Variants in GRID2 observed in about 807,000 individuals in gnomAD.
GRID2 encodes the protein glutamate ionotropic receptor delta type subunit 2.
In GRID2, 33 loss-of-function variants were observed where a neutral mutation model predicts 114.8. The ratio of observed to expected loss-of-function variants is 0.29; its 90% CI spans 0.22 to 0.38. GRID2 has a LOEUF of 0.38. Ranked by LOEUF, GRID2 falls within the 10% of genes least tolerant of loss-of-function variation. GRID2 has a pLI of 1.00. For missense variants in GRID2, 1,184 were observed against 1,257.7 expected (o/e 0.94, Z 0.89); for synonymous variants, 505 against 449.9 (o/e 1.12, Z -1.55).
intron 2 of GRID2, among the ~76,000 whole-genome samples, chr4:92,728,190 C>T (rs1179723996): frequency 6.6e-6 from 1 of 151,978 alleles, no homozygotes; most frequent in Non-Finnish European, 1.5e-5. Flanking sequence ...GATTGAACCT[C>T]TTATAATTTT....
chr4:92,348,093 C>A (rs908560076), intron 1 of GRID2, among the ~76,000 whole-genome samples: 25 of 152,098 alleles, frequency 1.6e-4, no homozygotes, highest in African/African-American at 5.8e-4. Context: ...ATAGCTGGGA[C>A]CACAGTCATG....
chr4:93,101,203 A>G (rs1281049660), intron 3 of GRID2, among the ~76,000 whole-genome samples: 1 of 152,104 alleles, frequency 6.6e-6, no homozygotes, highest in South Asian at 2.1e-4. Context: ...ATAATTTGAT[A>G]AATTCATGTA....
intron 2 of GRID2, among the ~76,000 whole-genome samples, chr4:93,033,967 T>C (rs1259106924): frequency 2.0e-5 from 3 of 152,162 alleles, no homozygotes; most frequent in Non-Finnish European, 4.4e-5. Context: ...TTGTGATTAG[T>C]AGGTAATCAC....
At chr4:92,375,294 A>G (rs1729301146) in intron 1 of GRID2, among the ~76,000 whole-genome samples, 1 of 152,138 alleles carries the variant, frequency 6.6e-6, no homozygotes, top group African/African-American at 2.4e-5. Flanking sequence ...TTTTTGCACA[A>G]ACGTTTGTAC....
At chr4:93,009,542 T>C (rs762339508) in intron 2 of GRID2, among the ~76,000 whole-genome samples, 23 of 152,146 alleles carry the variant, frequency 1.5e-4, no homozygotes, top group Non-Finnish European at 2.5e-4. Context: ...ATCTTCTTGA[T>C]TTTCATTTTT....
chr4:92,822,566 G>A (rs989447553), intron 2 of GRID2: 1 of 269,458 alleles, frequency 3.7e-6, no homozygotes, highest in South Asian at 3.4e-5. Context: ...AGGATCTAGA[G>A]ACAATCTACA....
At chr4:93,200,297 T>G (rs1401387699) in intron 4 of GRID2, among the ~76,000 whole-genome samples, 1 of 152,218 alleles carries the variant, frequency 6.6e-6, no homozygotes, top group Non-Finnish European at 1.5e-5. Context: ...CCGGGTGCGG[T>G]GGCTCACGCC....
At chr4:92,744,827 T>C (rs1053981760) in intron 2 of GRID2, among the ~76,000 whole-genome samples, 1 of 152,206 alleles carries the variant, frequency 6.6e-6, no homozygotes, top group Non-Finnish European at 1.5e-5. Context: ...TTATCTCTTA[T>C]GTAATTATGC....
intron 13 of GRID2, among the ~76,000 whole-genome samples, chr4:93,535,261 C>A (rs1731931624): frequency 6.6e-6 from 1 of 151,250 alleles, no homozygotes; most frequent in Non-Finnish European, 1.5e-5. Context: ...CACACACACA[C>A]ACACACACAC....
rs542311514 is a variant in GRID2, at chr4:92,797,944, T to C, written c.244+207658T>C. Among the ~76,000 whole-genome samples the C allele has an allele frequency of 2.0e-5, 3 of 152,096 alleles. No homozygotes were observed. In the South Asian group the frequency reaches 6.2e-4, roughly 32 times the overall value. Reference sequence around the variant, plus strand: ...CAATTTAGGTTGAAAGTACAATACTTGATAAAGTTTTTACTGCCTTAAAAA... The same window carrying C: ...CAATTTAGGTTGAAAGTACAATACTCGATAAAGTTTTTACTGCCTTAAAAA... On this transcript the variant is annotated intron_variant, in intron 2 of 15. Transcript: ENST00000282020.
intron 3 of GRID2, among the ~76,000 whole-genome samples, chr4:93,103,710 T>G (rs1298239519): frequency 6.6e-6 from 1 of 152,050 alleles, no homozygotes; most frequent in African/African-American, 2.4e-5. Flanking sequence ...TATGTGCATT[T>G]ACTGAGAGGA....
intron 2 of GRID2, among the ~76,000 whole-genome samples, chr4:92,820,961 C>G (rs1032707409): frequency 3.9e-5 from 6 of 151,962 alleles, no homozygotes; most frequent in Admixed American, 2.0e-4. Flanking sequence ...ATCATCTTCT[C>G]TAATATATAT....
intron 8 of GRID2, among the ~76,000 whole-genome samples, chr4:93,254,143 A>G (rs1749299292): frequency 6.6e-6 from 1 of 152,132 alleles, no homozygotes; most frequent in Non-Finnish European, 1.5e-5. Flanking sequence ...TTTATTAATC[A>G]TAGTAATTCA....
intron 14 of GRID2, among the ~76,000 whole-genome samples, chr4:93,659,845 A>G (rs547746889): frequency 3.9e-5 from 6 of 152,266 alleles, no homozygotes; most frequent in Non-Finnish European, 8.8e-5. Flanking sequence ...TCTCATCAAG[A>G]TATAAGATCT....
intron 1 of GRID2, among the ~76,000 whole-genome samples, chr4:92,356,292 A>G (rs965127341): frequency 1.3e-5 from 2 of 151,484 alleles, no homozygotes; most frequent in African/African-American, 2.4e-5. Flanking sequence ...CTTTGTATAT[A>G]TATTTTCTGG....
chr4:93,357,388 T>G (rs954847425), intron 8 of GRID2, among the ~76,000 whole-genome samples: 2 of 151,540 alleles, frequency 1.3e-5, no homozygotes, highest in African/African-American at 4.8e-5. Context: ...CTCCATGAAT[T>G]AAAAAATATT....
Position 92,652,927 on chromosome 4 carries a change from AAT to A in GRID2, c.244+62649_244+62650del, listed in dbSNP as rs1178079694. Among the ~76,000 whole-genome samples the A allele has an allele frequency of 9.2e-5, 13 of 142,054 alleles. 1 individual carries two copies. The highest frequency in any genetic ancestry group is 2.6e-4 in the African/African-American group (10 of 39,146). 93.2% of individuals were successfully genotyped at this position (142,054 alleles called of 152,430 possible). A position where few individuals can be genotyped will look rare whatever the true frequency, so the allele number is the denominator to read the frequency against. On this transcript the variant is annotated intron_variant, in intron 2 of 15. Transcript: ENST00000282020. ...AAATATATATTTATAAATACATATAAATATATATAAACATATATTTATAAATA... is the reference window on the plus strand; with the variant it reads ...AAATATATATTTATAAATACATATAAATATATAAACATATATTTATAAATA...
intron 2 of GRID2, among the ~76,000 whole-genome samples, chr4:92,916,033 T>C (rs1002146182): frequency 2.6e-5 from 4 of 152,162 alleles, no homozygotes; most frequent in African/African-American, 9.7e-5. Flanking sequence ...GCTCACTCTC[T>C]TAATAGTTTT....
chr4:92,928,264 A>G (rs1749977002), intron 2 of GRID2, among the ~76,000 whole-genome samples: 1 of 151,774 alleles, frequency 6.6e-6, no homozygotes, highest in African/African-American at 2.4e-5. Flanking sequence ...AAACTTATTT[A>G]CAGAGTAAAA....
Sources: gnomAD v4.1 joint callset for allele counts (sites outside exome capture counted in the v4.1 genomes callset) on GRCh38, gnomAD v4.1.1 for gene constraint, MANE v1.5 for transcripts, NCBI Gene and HGNC (gene_info 2026-07-23, HGNC 2026-07-21) for gene names.